Variants in RARB observed in about 807,000 individuals in gnomAD.
RARB encodes the protein HBV-activated protein.
Under a neutral mutation model 51.9 loss-of-function variants are expected in RARB, and 17 were observed. That is an observed-to-expected ratio of 0.33 (90% confidence interval 0.22 to 0.49). The LOEUF is 0.49. RARB is among the 20% of genes least tolerant of loss of function. RARB has a pLI of 0.99. For missense variants in RARB, 369 were observed against 550.8 expected (o/e 0.67, Z 3.30); for synonymous variants, 215 against 195.4 (o/e 1.10, Z -0.84).
At chr3:25,315,441 G>C (rs1559354465) in intron 5 of RARB, among the ~76,000 whole-genome samples, 1 of 152,140 alleles carries the variant, frequency 6.6e-6, no homozygotes, top group Non-Finnish European at 1.5e-5. Context: ...GTCTTGGAAG[G>C]GGTCTGCACA....
chr3:25,568,543 C>G (rs1327648142), intron 3 of RARB, among the ~76,000 whole-genome samples: 2 of 152,064 alleles, frequency 1.3e-5, no homozygotes, highest in Non-Finnish European at 2.9e-5. Context: ...TCTTTCCTTT[C>G]ACCACTTCCT....
chr3:25,393,348 G>A (rs544694953), intron 5 of RARB, among the ~76,000 whole-genome samples: 2 of 151,720 alleles, frequency 1.3e-5, no homozygotes, highest in African/African-American at 4.8e-5. Context: ...ATATTGGTCT[G>A]TAGTTTTTTG....
At chr3:25,210,261 C>A (rs991205841) in intron 5 of RARB, among the ~76,000 whole-genome samples, 1 of 152,148 alleles carries the variant, frequency 6.6e-6, no homozygotes, top group African/African-American at 2.4e-5. Flanking sequence ...TATCATTTCT[C>A]CTTCCTGTCC....
At chr3:25,407,538 A>G (rs1316708837) in intron 5 of RARB, among the ~76,000 whole-genome samples, 2 of 152,130 alleles carry the variant, frequency 1.3e-5, no homozygotes, top group African/African-American at 4.8e-5. Flanking sequence ...TGAGCACACT[A>G]TCCCACCTGC....
chr3:24,934,748 G>A (rs1398033126), intron 2 of RARB, among the ~76,000 whole-genome samples: 1 of 152,016 alleles, frequency 6.6e-6, no homozygotes, highest in Non-Finnish European at 1.5e-5. Flanking sequence ...ATGACCAAAT[G>A]CCATTTTATT....
intron 5 of RARB, among the ~76,000 whole-genome samples, chr3:25,412,154 T>A (rs1575381730): frequency 6.6e-6 from 1 of 152,192 alleles, no homozygotes; most frequent in Non-Finnish European, 1.5e-5. Context: ...GTGCTTCATT[T>A]TGGGGACTGG....
At chr3:25,414,184 G>A (rs1249868895) in intron 5 of RARB, among the ~76,000 whole-genome samples, 1 of 152,090 alleles carries the variant, frequency 6.6e-6, no homozygotes, top group Non-Finnish European at 1.5e-5. Flanking sequence ...AGCTACTATT[G>A]TATCCATCTT....
At chr3:25,074,002 C>T (rs1698821730) in intron 3 of RARB, among the ~76,000 whole-genome samples, 1 of 152,190 alleles carries the variant, frequency 6.6e-6, no homozygotes, top group Non-Finnish European at 1.5e-5. Flanking sequence ...ATCTTGACTT[C>T]TGTTATTCAT....
intron 1 of RARB, among the ~76,000 whole-genome samples, chr3:24,840,742 T>TAAAAA (rs55771334): frequency 3.3e-4 from 23 of 70,344 alleles, no homozygotes; most frequent in East Asian, 1.2e-3. Flanking sequence ...TGAGTAAGAG[T>TAAAAA]AAAAAAAAAA....
chr3:25,142,642 G>A (rs1268403708), intron 4 of RARB, among the ~76,000 whole-genome samples: 1 of 149,842 alleles, frequency 6.7e-6, no homozygotes, highest in South Asian at 2.1e-4. Context: ...GAGCATGGCC[G>A]TTTGCCATCA....
chr3:24,942,629 T>C (rs926729538), intron 2 of RARB, among the ~76,000 whole-genome samples: 1 of 152,212 alleles, frequency 6.6e-6, no homozygotes, highest in African/African-American at 2.4e-5. Flanking sequence ...GACCTCAGTT[T>C]ATTCATCTTT....
intron 2 of RARB, among the ~76,000 whole-genome samples, chr3:25,052,223 A>G (rs1361790162): frequency 6.6e-6 from 1 of 152,192 alleles, no homozygotes; most frequent in Non-Finnish European, 1.5e-5. Context: ...TAAAGCCCTT[A>G]TTATCACAAT....
At chr3:25,537,062 T>C (rs995489344) in intron 3 of RARB, among the ~76,000 whole-genome samples, 2 of 152,178 alleles carry the variant, frequency 1.3e-5, no homozygotes, top group Non-Finnish European at 2.9e-5. Flanking sequence ...GGCCTCTCTA[T>C]ACAGGTTGCT....
intron 5 of RARB, among the ~76,000 whole-genome samples, chr3:25,327,022 A>T (rs140535750): frequency 0.01 from 1,522 of 151,816 alleles, 10 homozygotes; most frequent in Middle Eastern, 0.027. Context: ...CCGGTGTGTG[A>T]TGTTCCCCTT....
chr3:24,998,268 T>C (rs891702425), intron 2 of RARB, among the ~76,000 whole-genome samples: 1 of 142,718 alleles, frequency 7.0e-6, no homozygotes, highest in African/African-American at 2.5e-5. Flanking sequence ...GCCTTTTGAC[T>C]TGTAGTTTGT....
intron 1 of RARB, among the ~76,000 whole-genome samples, chr3:24,856,112 A>G (rs1326848688): frequency 6.6e-6 from 1 of 152,126 alleles, no homozygotes; most frequent in Non-Finnish European, 1.5e-5. Flanking sequence ...TATTTTGAGT[A>G]TCTTCATTCT....
At chr3:25,227,067 G>A (rs150568791) in intron 5 of RARB, among the ~76,000 whole-genome samples, 8 of 152,328 alleles carry the variant, frequency 5.3e-5, no homozygotes, top group African/African-American at 1.9e-4. Flanking sequence ...TGCTGGGTCA[G>A]ACACTGTAAA....
intron 5 of RARB, among the ~76,000 whole-genome samples, chr3:25,395,871 T>C (rs749556802): frequency 1.6e-4 from 24 of 152,220 alleles, no homozygotes; most frequent in Admixed American, 1.5e-3. Context: ...TTCAGAGATA[T>C]CTTCTTGGTT....
intron 5 of RARB, among the ~76,000 whole-genome samples, chr3:25,257,753 T>G (rs1207577447): frequency 1.3e-5 from 2 of 152,068 alleles, no homozygotes; most frequent in Non-Finnish European, 2.9e-5. Context: ...TCTCTTCATC[T>G]ATTTTATTCC....
Sources: gnomAD v4.1 joint callset for allele counts (sites outside exome capture counted in the v4.1 genomes callset) on GRCh38, gnomAD v4.1.1 for gene constraint, MANE v1.5 for transcripts, NCBI Gene and HGNC (gene_info 2026-07-23, HGNC 2026-07-21) for gene names.